FTL: variants seen among roughly 807,000 people sequenced by gnomAD.
FTL encodes the protein ferritin light chain, also known as epididymis secretory sperm binding protein.
A neutral mutation model predicts 16.6 loss-of-function variants in FTL; 17 were observed. That is an observed-to-expected ratio of 1.02 (90% CI 0.70 to 1.53). FTL has a LOEUF of 1.53. FTL is among the 40% of genes most tolerant of loss of function. FTL has a pLI of 0.00. For synonymous variants in FTL, 73 were observed against 89.9 expected (o/e 0.81, Z 1.06); for missense variants, 186 against 226.1 (o/e 0.82, Z 1.14).
rs2038459575 is a variant in FTL, at chr19:48,966,622, G to A, written c.415G>A (p.Val139Met). The A allele has an allele frequency of 1.2e-6, 2 of 1,614,124 alleles. No individual in the cohort carries two copies. Among genetic ancestry groups the A allele is most frequent in the Non-Finnish European group, 1.7e-6 (2 of 1,180,010 alleles). Residue 139 changes from valine (V) to methionine (M), a missense_variant, in exon 4 of 4, where the codon GTG (valine) becomes ATG (methionine). Transcript: ENST00000331825. ...GGAGACTCACTTCCTAGATGAGGAA[G>A]TGAAGCTTATCAAGAAGATGGGTGA... ...FLETHFLDEE[V>M]KLIKKMGDHL... is the part of the protein sequence containing the mutation.
chr19:48,966,224 G>A, intron 2 of FTL, 57 bp from the exon 3 acceptor site: 1 of 1,612,364 alleles, frequency 6.2e-7, no homozygotes, highest in Non-Finnish European at 8.5e-7. Context: ...GGGAAATGTA[G>A]GTTTAGTTCT....
intron 3 of FTL, 58 bp from the exon 4 acceptor site, chr19:48,966,525 G>GCT (rs1423173860): frequency 1.2e-6 from 2 of 1,611,670 alleles, no homozygotes; most frequent in Admixed American, 3.3e-5. Context: ...GCAACTGGCT[G>GCT]CTCTCTCCCC....
chr19:48,965,958 C>G, intron 2 of FTL, 42 bp downstream of exon 2: 1 of 1,608,464 alleles, frequency 6.2e-7, no homozygotes, highest in African/African-American at 1.3e-5. Flanking sequence ...CCCAGCAGGC[C>G]GTGCGCGCGA....
chr19:48,966,408 T>A lies in FTL; in HGVS notation c.375+2T>A. ...GGTTCTGCCCGCACGGACCCCCATG[T>A]ACGTACCCGCTGCATCCATGGCTAC... On this transcript the variant is annotated splice_donor_variant, in intron 3 of 3. Transcript: ENST00000331825. LOFTEE classifies it high-confidence loss of function. 1.9e-6 allele frequency: 3 copies of A among 1,614,150 alleles called. No homozygotes were observed. Among genetic ancestry groups the A allele is most frequent in the Non-Finnish European group, 2.5e-6 (3 of 1,180,012 alleles).
At chr19:48,966,085 G>C (rs2038450401) in intron 2 of FTL, 169 bp downstream of exon 2, 1 of 1,182,796 alleles carries the variant, frequency 8.5e-7, no homozygotes, top group African/African-American at 1.5e-5. Flanking sequence ...CCCACAACAC[G>C]CGGCAGTCCA....
At position 48,965,607 on chromosome 19, in the gene FTL, C is replaced by T. The variant is rs11553192; in HGVS notation, c.100C>T (p.Leu34=). ...YLQASYTYLS[L]GFYFDRDDVA... is the part of the protein sequence containing the mutation. ...GCAGGCCTCCTACACCTACCTCTCTCTGGTGAGTCCCCAGGACGCCCCTGG... is the reference window on the plus strand; with the variant it reads ...GCAGGCCTCCTACACCTACCTCTCTTTGGTGAGTCCCCAGGACGCCCCTGG... Residue 34 remains leucine, a splice_region_variant and synonymous_variant, in exon 1 of 4, where the codon CTG becomes TTG. Coordinates refer to ENST00000331825, the MANE Select transcript of FTL (RefSeq NM_000146.4). 1.2e-6 allele frequency: 2 copies of T among 1,612,326 alleles called. No homozygotes were observed. Among genetic ancestry groups the T allele is most frequent in the Non-Finnish European group, 1.7e-6 (2 of 1,178,444 alleles).
In FTL at chr19:48,965,765, C is replaced by T. The variant is rs773662546; in HGVS notation, c.103-5C>T. On this transcript the variant is annotated splice_region_variant and splice_polypyrimidine_tract_variant and intron_variant, in intron 1 of 3. Coordinates refer to ENST00000331825, the MANE Select transcript of FTL (RefSeq NM_000146.4). ...AACCATTGTTGCCTCCATCTCTTCC[C>T]GTAGGGCTTCTATTTCGACCGCGAT... 2 of 1,614,092 alleles carry T rather than the reference C, an allele frequency of 1.2e-6. No individual in the cohort carries two copies. Among genetic ancestry groups the T allele is most frequent in the East Asian group, 4.5e-5 (2 of 44,878 alleles).
At position 48,965,587 on chromosome 19, in the gene FTL, C is replaced by A. The variant is rs555604730; in HGVS notation, c.80C>A (p.Ala27Asp). The A allele has an allele frequency of 1.3e-5, 21 of 1,613,514 alleles. No individual in the cohort carries two copies. In the South Asian group the frequency reaches 2.2e-4, roughly 17 times the overall value. Residue 27 changes from alanine to aspartate, a missense_variant, in exon 1 of 4, where the codon GCC becomes GAC. Physicochemically the swap from Ala to Asp is moderately radical, Grantham distance 126. Coordinates refer to ENST00000331825, the MANE Select transcript of FTL (RefSeq NM_000146.4). ...AGCCTGGTCAATTTGTACCTGCAGG[C>A]CTCCTACACCTACCTCTCTCTGGTG... ...VNSLVNLYLQASYTYLSLGFY... is the reference protein window; with the variant it reads ...VNSLVNLYLQDSYTYLSLGFY...
At chr19:48,966,499 T>C (rs1351471312) in intron 3 of FTL, 84 bp from the exon 4 acceptor site, 8 of 1,612,206 alleles carry the variant, frequency 5.0e-6, no homozygotes, top group Non-Finnish European at 6.8e-6. Context: ...ATTTCACACC[T>C]GTCACATTTT....
intron 2 of FTL, 83 bp downstream of exon 2, chr19:48,965,999 G>T (rs571839878): frequency 3.3e-6 from 5 of 1,534,674 alleles, no homozygotes; most frequent in East Asian, 4.7e-5. Context: ...TAGGTGTCGC[G>T]TGGGCTTCTG....
chr19:48,966,479 T>G (rs1410389950), intron 3 of FTL, 73 bp downstream of exon 3: 4 of 1,613,676 alleles, frequency 2.5e-6, no homozygotes, highest in Non-Finnish European at 1.7e-6. Flanking sequence ...CAAATTTCCT[T>G]CAGAGCCTCA....
intron 2 of FTL, 76 bp downstream of exon 2, chr19:48,965,992 G>A (rs749772779): frequency 1.4e-5 from 21 of 1,552,880 alleles, no homozygotes; most frequent in East Asian, 7.0e-5. Context: ...GAGGGCGTAG[G>A]TGTCGCGTGG....
chr19:48,965,680 A>G (rs2038443761), intron 1 of FTL, 71 bp downstream of exon 1: 6 of 1,606,264 alleles, frequency 3.7e-6, no homozygotes, highest in Non-Finnish European at 5.1e-6. Flanking sequence ...TGCACGCGCC[A>G]GCCTTCTTTG....
intron 3 of FTL, 71 bp downstream of exon 3, chr19:48,966,477 C>G: frequency 6.2e-7 from 1 of 1,613,730 alleles, no homozygotes; most frequent in Non-Finnish European, 8.5e-7. Flanking sequence ...GGCAAATTTC[C>G]TTCAGAGCCT....
chr19:48,966,531 TCC>T (rs2038457818), intron 3 of FTL, 50 bp from the exon 4 acceptor site: 1 of 1,611,360 alleles, frequency 6.2e-7, no homozygotes, highest in Non-Finnish European at 8.5e-7. Flanking sequence ...GGCTGCTCTC[TCC>T]CCCTCTTTTC....
intron 2 of FTL, 67 bp downstream of exon 2, chr19:48,965,983 A>C (rs1333953925): frequency 2.5e-6 from 4 of 1,579,566 alleles, no homozygotes; most frequent in Non-Finnish European, 3.5e-6. Flanking sequence ...CCTTGATTTG[A>C]GGGCGTAGGT....
intron 2 of FTL, 177 bp downstream of exon 2, chr19:48,966,093 C>CCACA: frequency 2.5e-6 from 3 of 1,183,000 alleles, no homozygotes; most frequent in Non-Finnish European, 3.7e-6. Context: ...ACGCGGCAGT[C>CCACA]CACACCGCTG....
intron 2 of FTL, 128 bp downstream of exon 2, chr19:48,966,044 C>A (rs1451059672): frequency 5.3e-6 from 7 of 1,326,778 alleles, no homozygotes; most frequent in Non-Finnish European, 7.4e-6. Context: ...CCCTCTTAAC[C>A]GCTGGAAATA....
Position 48,966,802 on chromosome 19 carries a change from C to G in FTL, c.*67C>G. The G allele has an allele frequency of 6.5e-7, 1 of 1,536,874 alleles. No individual in the cohort carries two copies. Among genetic ancestry groups the G allele is most frequent in the Non-Finnish European group, 9.0e-7 (1 of 1,115,252 alleles). ...AGTAATAGGGCTTCTGCCTAAGCCT[C>G]TCCCTCCAGCCAATAGGCAGCTTTC... On this transcript the variant is annotated 3_prime_UTR_variant, in exon 4 of 4. Transcript: ENST00000331825.
Sources: allele counts gnomAD v4.1 joint callset, GRCh38; gene constraint gnomAD v4.1.1; transcripts MANE v1.5; gene names NCBI Gene and HGNC (gene_info 2026-07-23, HGNC 2026-07-21).